ANKRD45: variants seen among roughly 807,000 people sequenced by gnomAD.
The protein encoded by ANKRD45 is ankyrin repeat domain-containing protein 45.
In ANKRD45, 21 loss-of-function variants were observed where a neutral mutation model predicts 28.1. The ratio of observed to expected loss-of-function variants is 0.75; its 90% CI spans 0.53 to 1.08. The LOEUF (loss-of-function observed/expected upper bound fraction) is 1.08, where lower values mean the gene tolerates loss of function less well. Among genes scored for constraint, ANKRD45 ranks in the 50% least tolerant of loss-of-function variants. The probability of loss-of-function intolerance (pLI) is 0.00; values close to 1 mark genes in which losing one functional copy is unlikely to be tolerated. For missense variants in ANKRD45, 261 were observed against 308.7 expected, an observed-to-expected ratio of 0.85 and a Z score of 1.16; for synonymous variants, 86 against 103.9, an observed-to-expected ratio of 0.83 and a Z score of 1.05.
rs1043255772 is a variant in ANKRD45, at chr1:173,608,757, G to T, written c.*1388C>A. On this transcript the variant is annotated 3_prime_UTR_variant, in exon 6 of 6. Coordinates refer to ENST00000333279, the MANE Select transcript of ANKRD45 (RefSeq NM_198493.3). ...AGGAGAGGCAGACCCTGTCAAGAAG[G>T]TTGCGGGGGTGGAGAGAGAGAGAGA... 1.3e-5 allele frequency among the ~76,000 whole-genome samples: 2 copies of T among 148,288 alleles called. No homozygotes were observed. Among genetic ancestry groups the T allele is most frequent in the Non-Finnish European group, 3.0e-5 (2 of 67,348 alleles).
At chr1:173,646,593 CAT>C (rs1402594875) in intron 3 of ANKRD45, among the ~76,000 whole-genome samples, 4 of 152,158 alleles carry the variant, frequency 2.6e-5, no homozygotes, top group Non-Finnish European at 5.9e-5. Context: ...ATTATTTTCT[CAT>C]AGACAATTAT....
the ANKRD45 span, among the ~76,000 whole-genome samples, chr1:173,704,226 T>C: frequency 5.3e-5 from 8 of 151,814 alleles, no homozygotes; most frequent in African/African-American, 1.9e-4. Context: ...TGCATGAACA[T>C]AGATGTCCCC....
chr1:173,703,441 G>T, the ANKRD45 span, among the ~76,000 whole-genome samples: 27,945 of 151,702 alleles, frequency 0.18, 2,639 homozygotes, highest in Middle Eastern at 0.34. Context: ...CCTGACCTCA[G>T]GTGATCCACC....
At chr1:173,657,851 A>G (rs907547549) in intron 2 of ANKRD45, 8 of 148,216 alleles carry the variant, frequency 5.4e-5, no homozygotes, top group African/African-American at 2.0e-4. Context: ...TCTTTTTCTA[A>G]TTTCTTCAGT....
chr1:173,627,882 G>A (rs2102329022), intron 3 of ANKRD45, among the ~76,000 whole-genome samples: 1 of 151,810 alleles, frequency 6.6e-6, no homozygotes, highest in East Asian at 2.0e-4. Context: ...TCTGCTTGAG[G>A]AGAAGAGAGG....
chr1:173,697,058 A>G, the ANKRD45 span, among the ~76,000 whole-genome samples: 1 of 152,228 alleles, frequency 6.6e-6, no homozygotes, highest in African/African-American at 2.4e-5. Context: ...AGTGGAAGAA[A>G]GGGTTTCAGC....
the ANKRD45 span, among the ~76,000 whole-genome samples, chr1:173,700,233 A>G: frequency 1.3e-5 from 2 of 152,234 alleles, no homozygotes; most frequent in Non-Finnish European, 2.9e-5. Flanking sequence ...TATTGTGAAA[A>G]TGGCCATACT....
the ANKRD45 span, among the ~76,000 whole-genome samples, chr1:173,695,492 T>C: frequency 2.0e-5 from 3 of 152,154 alleles, no homozygotes; most frequent in African/African-American, 4.8e-5. Context: ...ACTTAGGATA[T>C]TGGCTTGGAC....
intron 1 of ANKRD45, among the ~76,000 whole-genome samples, chr1:173,665,842 C>G (rs1488838983): frequency 6.6e-6 from 1 of 151,782 alleles, no homozygotes; most frequent in Non-Finnish European, 1.5e-5. Flanking sequence ...AACCCCATCT[C>G]TACAAAAAAT....
the ANKRD45 span, among the ~76,000 whole-genome samples, chr1:173,674,995 A>G: frequency 6.6e-6 from 1 of 152,188 alleles, no homozygotes; most frequent in East Asian, 1.9e-4. Flanking sequence ...TCATTTTTAG[A>G]AGGTTGTAAA....
chr1:173,671,431 C>T (rs954345433), upstream of ANKRD45, among the ~76,000 whole-genome samples: 2 of 152,096 alleles, frequency 1.3e-5, no homozygotes, highest in Non-Finnish European at 2.9e-5. Context: ...GAGAAGAATG[C>T]CTCAAGTGTC....
At chr1:173,684,805 C>T in the ANKRD45 span, among the ~76,000 whole-genome samples, 1 of 152,150 alleles carries the variant, frequency 6.6e-6, no homozygotes, top group African/African-American at 2.4e-5. Context: ...GGCTAGTAGC[C>T]CCTAATTGTT....
the ANKRD45 span, among the ~76,000 whole-genome samples, chr1:173,675,742 T>C: frequency 6.6e-6 from 1 of 152,254 alleles, no homozygotes; most frequent in East Asian, 1.9e-4. Flanking sequence ...ATAATTTTTC[T>C]TTATCCAGTT....
chr1:173,628,390 G>C (rs1668034120), intron 3 of ANKRD45, among the ~76,000 whole-genome samples: 1 of 152,088 alleles, frequency 6.6e-6, no homozygotes, highest in South Asian at 2.1e-4. Context: ...GCCTGGACCA[G>C]AGGAGAGCCC....
At chr1:173,683,597 T>C in the ANKRD45 span, among the ~76,000 whole-genome samples, 2 of 152,176 alleles carry the variant, frequency 1.3e-5, no homozygotes, top group Non-Finnish European at 2.9e-5. Context: ...GTACCAAGCA[T>C]TGATTTGTCA....
intron 3 of ANKRD45, among the ~76,000 whole-genome samples, chr1:173,641,195 G>A (rs146940666): frequency 2.8e-4 from 43 of 152,298 alleles, no homozygotes; most frequent in African/African-American, 9.6e-4. Flanking sequence ...AGATGCAAAT[G>A]CCTGGCTGAA....
In ANKRD45 at chr1:173,657,281, A is replaced by G. The variant is rs975104164; in HGVS notation, c.328+1810T>C. 3.5e-4 allele frequency: 92 copies of G among 265,728 alleles called. 1 individual carries two copies. In the Admixed American group the frequency reaches 3.6e-3, roughly 10 times the overall value. The allele number at this position is 265,728 out of a possible 1,614,324, so 16.5% of individuals were successfully genotyped here. A position where few individuals can be genotyped will look rare whatever the true frequency, so the allele number is the denominator to read the frequency against. ...CAGGATTTTGAGACCAGCCTGGCCA[A>G]CGTGGCAAAACCCCCTCTCCACTAA... On this transcript the variant is annotated intron_variant, in intron 2 of 5. Transcript: ENST00000333279.
chr1:173,629,396 A>T (rs1335110657), intron 3 of ANKRD45, among the ~76,000 whole-genome samples: 1 of 152,176 alleles, frequency 6.6e-6, no homozygotes, highest in Non-Finnish European at 1.5e-5. Context: ...AACTCAAAGA[A>T]ATTCAAGATA....
the ANKRD45 span, among the ~76,000 whole-genome samples, chr1:173,684,214 A>G: frequency 7.2e-5 from 11 of 152,158 alleles, no homozygotes; most frequent in Non-Finnish European, 1.5e-4. Flanking sequence ...TTGCTTTATG[A>G]GGAAGTTAAA....
Sources: gnomAD v4.1 joint callset for allele counts (sites outside exome capture counted in the v4.1 genomes callset) on GRCh38, gnomAD v4.1.1 for gene constraint, MANE v1.5 for transcripts, NCBI Gene and HGNC (gene_info 2026-07-23, HGNC 2026-07-21) for gene names.